PARN: variants seen among roughly 807,000 people sequenced by gnomAD.
PARN encodes poly(A)-specific ribonuclease PARN.
PARN carries 71 observed loss-of-function variants against 102.8 expected under a neutral mutation model. The observed-to-expected ratio is 0.69, with a 90% CI of 0.57 to 0.84. The LOEUF (loss-of-function observed/expected upper bound fraction) is 0.84, where lower values mean the gene tolerates loss of function less well. Among genes scored for constraint, PARN ranks in the 40% least tolerant of loss-of-function variants. The pLI is 0.00. For missense variants in PARN, 782 were observed against 760.9 expected (o/e 1.03, Z -0.33); for synonymous variants, 261 against 252.9 (o/e 1.03, Z -0.30).
chr16:14,622,995 TGAG>T (rs1393903003), intron 5 of PARN, among the ~76,000 whole-genome samples: 1 of 151,172 alleles, frequency 6.6e-6, no homozygotes, highest in African/African-American at 2.4e-5. Flanking sequence ...TTCCAGCTAC[TGAG>T]GAGGCTAAGG....
At chr16:14,475,539 A>G (rs1366436196) in intron 22 of PARN, among the ~76,000 whole-genome samples, 1 of 152,184 alleles carries the variant, frequency 6.6e-6, no homozygotes. Flanking sequence ...TATTCTGGAC[A>G]CTGAATCTAT....
chr16:14,610,589 G>T, intron 7 of PARN, 55 bp downstream of exon 7: 1 of 1,094,322 alleles, frequency 9.1e-7, no homozygotes, highest in Non-Finnish European at 1.4e-6. Flanking sequence ...ATAGATGCCT[G>T]TCATCCCCAA....
chr16:14,618,493 CAAA>C (rs758627242), intron 5 of PARN, among the ~76,000 whole-genome samples: 5 of 77,450 alleles, frequency 6.5e-5, no homozygotes, highest in Admixed American at 3.0e-4. Flanking sequence ...GACTCTGTCT[CAAA>C]AAAAAAAAAA....
chr16:14,570,110 G>A (rs1567396984), intron 18 of PARN, among the ~76,000 whole-genome samples: 1 of 152,028 alleles, frequency 6.6e-6, no homozygotes, highest in Non-Finnish European at 1.5e-5. Flanking sequence ...ACAGGCCAAG[G>A]CGAGCAGATC....
chr16:14,458,616 CAG>C (rs1171893914), intron 22 of PARN, among the ~76,000 whole-genome samples: 5 of 152,190 alleles, frequency 3.3e-5, no homozygotes, highest in Non-Finnish European at 5.9e-5. Context: ...GAGGCAGAAA[CAG>C]AAATCTGAGT....
chr16:14,606,934 A>C (rs113521100), intron 9 of PARN, among the ~76,000 whole-genome samples: 1 of 152,018 alleles, frequency 6.6e-6, no homozygotes, highest in Non-Finnish European at 1.5e-5. Context: ...GGCACCTGCC[A>C]CCACACCCAG....
intron 14 of PARN, among the ~76,000 whole-genome samples, chr16:14,585,528 T>C (rs1268297469): frequency 2.0e-5 from 3 of 152,132 alleles, no homozygotes; most frequent in South Asian, 2.1e-4. Context: ...TGACCTATGA[T>C]GTCTCAGAGA....
chr16:14,550,844 T>C lies in PARN; in HGVS notation c.1480+1177A>G, dbSNP rs184090570. 8.9e-3 allele frequency among the ~76,000 whole-genome samples: 1,357 copies of C among 152,328 alleles called. 8 individuals are homozygous for C. The highest frequency in any genetic ancestry group is 0.02 in the Admixed American group (310 of 15,300). On this transcript the variant is annotated intron_variant, in intron 21 of 23. Transcript: ENST00000437198. Reference sequence around the variant, plus strand: ...GCTTAACAATACATATTTTCACCAATATTTTATTCAAAAACTTCCCATCTT... The same window carrying C: ...GCTTAACAATACATATTTTCACCAACATTTTATTCAAAAACTTCCCATCTT...
intron 22 of PARN, among the ~76,000 whole-genome samples, chr16:14,460,421 G>C (rs912792886): frequency 5.3e-5 from 8 of 152,180 alleles, no homozygotes; most frequent in Non-Finnish European, 1.0e-4. Context: ...TGCTTTGCAC[G>C]TAGTACAGGA....
intron 18 of PARN, among the ~76,000 whole-genome samples, chr16:14,556,662 C>T (rs1235721033): frequency 6.6e-6 from 1 of 152,180 alleles, no homozygotes; most frequent in Non-Finnish European, 1.5e-5. Flanking sequence ...ACAGAGCTGT[C>T]GTGTTAGTCC....
intron 21 of PARN, among the ~76,000 whole-genome samples, chr16:14,486,093 G>A (rs1454102666): frequency 6.6e-6 from 1 of 152,116 alleles, no homozygotes; most frequent in African/African-American, 2.4e-5. Context: ...GGTCGCTCAT[G>A]CCTACAGTCC....
At chr16:14,554,250 T>C in intron 19 of PARN, 99 bp from the exon 20 acceptor site, 1 of 742,750 alleles carries the variant, frequency 1.3e-6, no homozygotes, top group Non-Finnish European at 2.2e-6. Context: ...TTTGGAGAAC[T>C]GTTATGAATT....
chr16:14,452,951 T>A (rs997087674), intron 22 of PARN, among the ~76,000 whole-genome samples: 3 of 152,218 alleles, frequency 2.0e-5, no homozygotes, highest in African/African-American at 7.2e-5. Context: ...ATTTGGAAGG[T>A]ACTGCTGTGC....
chr16:14,539,208 G>A (rs1254251257), intron 21 of PARN, among the ~76,000 whole-genome samples: 4 of 152,192 alleles, frequency 2.6e-5, no homozygotes, highest in Non-Finnish European at 4.4e-5. Context: ...GCCAAAGACT[G>A]CTGCCCTAAA....
intron 5 of PARN, among the ~76,000 whole-genome samples, chr16:14,618,674 AT>A (rs1285155595): frequency 9.8e-4 from 148 of 151,656 alleles, no homozygotes; most frequent in Non-Finnish European, 1.6e-3. Flanking sequence ...AAAAAAAAAA[AT>A]ATTCCACTGG....
intron 12 of PARN, among the ~76,000 whole-genome samples, chr16:14,598,833 G>A (rs942574732): frequency 2.6e-5 from 4 of 152,052 alleles, no homozygotes; most frequent in Non-Finnish European, 4.4e-5. Context: ...AACCTTGAGA[G>A]GGTTTCTATG....
chr16:14,437,056 A>C (rs1960737084), intron 23 of PARN, among the ~76,000 whole-genome samples: 1 of 152,260 alleles, frequency 6.6e-6, no homozygotes, highest in Non-Finnish European at 1.5e-5. Flanking sequence ...AACTGTAGCC[A>C]TGCACAGTAT....
At chr16:14,535,000 A>C (rs1966550335) in intron 21 of PARN, among the ~76,000 whole-genome samples, 1 of 151,954 alleles carries the variant, frequency 6.6e-6, no homozygotes, top group Non-Finnish European at 1.5e-5. Context: ...ATGCCCGGCT[A>C]ATTTTGTATT....
At chr16:14,581,347 C>T (rs1179963994) in intron 17 of PARN, among the ~76,000 whole-genome samples, 5 of 152,038 alleles carry the variant, frequency 3.3e-5, no homozygotes, top group Admixed American at 2.0e-4. Context: ...CCACTGCGCC[C>T]GGCCTGTGAA....
Sources: gnomAD v4.1 joint callset for allele counts (sites outside exome capture counted in the v4.1 genomes callset) on GRCh38, gnomAD v4.1.1 for gene constraint, MANE v1.5 for transcripts, NCBI Gene and HGNC (gene_info 2026-07-23, HGNC 2026-07-21) for gene names.